PTTG1IP2: variants seen among roughly 807,000 people sequenced by gnomAD.
PTTG1IP2 encodes the protein PTTG1IP family member 2.
intron 6 of PTTG1IP2, among the ~76,000 whole-genome samples, chr7:90,495,182 T>TA (rs1797980090): frequency 1.3e-5 from 2 of 152,202 alleles, no homozygotes; most frequent in African/African-American, 4.8e-5. Flanking sequence ...TAATATTACC[T>TA]AAAAACAGTG....
chr7:90,508,916 C>T (rs767168078), intron 6 of PTTG1IP2, among the ~76,000 whole-genome samples: 9 of 152,258 alleles, frequency 5.9e-5, no homozygotes, highest in Non-Finnish European at 8.8e-5. Context: ...GACATGTGTG[C>T]GCAGTGGCCC....
At chr7:90,501,233 T>G (rs1798057546) in intron 6 of PTTG1IP2, among the ~76,000 whole-genome samples, 1 of 152,220 alleles carries the variant, frequency 6.6e-6, no homozygotes, top group African/African-American at 2.4e-5. Flanking sequence ...TCCAGAATGC[T>G]GCAATACAGC....
At chr7:90,512,478 C>G (rs889141605) in intron 6 of PTTG1IP2, among the ~76,000 whole-genome samples, 3 of 152,016 alleles carry the variant, frequency 2.0e-5, no homozygotes, top group African/African-American at 7.2e-5. Context: ...GGTGGAGGCT[C>G]CAAGGAGAGA....
chr7:90,497,902 G>A (rs1798015063), intron 6 of PTTG1IP2, among the ~76,000 whole-genome samples: 1 of 151,820 alleles, frequency 6.6e-6, no homozygotes, highest in African/African-American at 2.4e-5. Flanking sequence ...TGTTGAGAGT[G>A]GGTTATTGAA....
chr7:90,505,554 A>G (rs189101041), intron 6 of PTTG1IP2, among the ~76,000 whole-genome samples: 3 of 152,344 alleles, frequency 2.0e-5, no homozygotes, highest in Admixed American at 2.0e-4. Flanking sequence ...GAAAGACTTA[A>G]CCTACTGTTT....
At chr7:90,503,190 A>G (rs936695784) in intron 6 of PTTG1IP2, among the ~76,000 whole-genome samples, 17 of 152,118 alleles carry the variant, frequency 1.1e-4, no homozygotes, top group Admixed American at 7.2e-4. Context: ...CTAGATTCCA[A>G]TGTTTCTTCT....
chr7:90,502,628 G>C (rs1200551731), intron 6 of PTTG1IP2, among the ~76,000 whole-genome samples: 1 of 152,166 alleles, frequency 6.6e-6, no homozygotes, highest in African/African-American at 2.4e-5. Context: ...ATTAATCTTT[G>C]TGTACATCTC....
chr7:90,470,180 C>T (rs1481959547), intron 1 of PTTG1IP2: 2 of 152,122 alleles, frequency 1.3e-5, no homozygotes, highest in Admixed American at 6.5e-5. Flanking sequence ...CATGGTTTCT[C>T]CCCCATCACT....
chr7:90,489,640 C>T (rs1797916648), intron 4 of PTTG1IP2, among the ~76,000 whole-genome samples: 1 of 151,726 alleles, frequency 6.6e-6, no homozygotes, highest in African/African-American at 2.4e-5. Flanking sequence ...ATAATTATAT[C>T]TTGAAATGCT....
intron 3 of PTTG1IP2, among the ~76,000 whole-genome samples, chr7:90,487,667 C>T (rs1018660736): frequency 6.6e-6 from 1 of 152,148 alleles, no homozygotes; most frequent in African/African-American, 2.4e-5. Context: ...ATTGGTCTTT[C>T]CTCCTGATGT....
At chr7:90,510,149 T>C (rs1178043784) in intron 6 of PTTG1IP2, among the ~76,000 whole-genome samples, 4 of 152,220 alleles carry the variant, frequency 2.6e-5, no homozygotes, top group Non-Finnish European at 5.9e-5. Context: ...TGTAGCAATA[T>C]CTGCCCTGTG....
chr7:90,480,861 T>C (rs551316712), intron 2 of PTTG1IP2, among the ~76,000 whole-genome samples: 2 of 152,364 alleles, frequency 1.3e-5, no homozygotes, highest in South Asian at 2.1e-4. Flanking sequence ...TGGTTTCTCA[T>C]AGTCTGGATT....
chr7:90,490,464 C>A (rs2116082876), intron 4 of PTTG1IP2, among the ~76,000 whole-genome samples: 1 of 150,260 alleles, frequency 6.7e-6, no homozygotes, highest in South Asian at 2.1e-4. Context: ...TAAGGGTTGG[C>A]CAATGTTCCA....
intron 2 of PTTG1IP2, among the ~76,000 whole-genome samples, chr7:90,486,635 G>C (rs1040808413): frequency 2.0e-5 from 3 of 152,076 alleles, no homozygotes; most frequent in Admixed American, 6.6e-5. Context: ...AAGGCTTGTT[G>C]ACAGTACCAC....
intron 6 of PTTG1IP2, among the ~76,000 whole-genome samples, chr7:90,500,998 T>C (rs896357179): frequency 6.6e-6 from 1 of 152,248 alleles, no homozygotes; most frequent in Non-Finnish European, 1.5e-5. Flanking sequence ...AGCATTTTCT[T>C]TAGACCCTAA....
intron 4 of PTTG1IP2, among the ~76,000 whole-genome samples, chr7:90,491,183 A>G (rs1230268575): frequency 6.6e-6 from 1 of 152,250 alleles, no homozygotes; most frequent in Non-Finnish European, 1.5e-5. Flanking sequence ...AAGCACTTTA[A>G]AAAGTTCCAA....
chr7:90,493,142 T>C (rs929966210), intron 5 of PTTG1IP2, among the ~76,000 whole-genome samples: 14 of 152,158 alleles, frequency 9.2e-5, no homozygotes, highest in African/African-American at 2.9e-4. Flanking sequence ...TAAATAACTT[T>C]GCAGGGTGCG....
chr7:90,500,919 G>A (rs762691321), intron 6 of PTTG1IP2, among the ~76,000 whole-genome samples: 13 of 152,184 alleles, frequency 8.5e-5, no homozygotes, highest in Non-Finnish European at 1.8e-4. Context: ...TGAGAGTAAT[G>A]ATTCTGGGAA....
At chr7:90,478,490 A>G (rs1000180946) in intron 1 of PTTG1IP2, among the ~76,000 whole-genome samples, 1 of 152,200 alleles carries the variant, frequency 6.6e-6, no homozygotes, top group Non-Finnish European at 1.5e-5. Flanking sequence ...TTCCCCAGCC[A>G]CATCAGATCT....
Sources: allele counts gnomAD v4.1 joint callset (sites outside exome capture counted in the v4.1 genomes callset), GRCh38; gene constraint gnomAD v4.1.1; transcripts MANE v1.5; gene names NCBI Gene and HGNC (gene_info 2026-07-23, HGNC 2026-07-21).